FNDC5: variants seen among roughly 807,000 people sequenced by gnomAD.
The protein encoded by FNDC5 is fibronectin type III domain containing 5.
FNDC5 carries 10 observed loss-of-function variants against 24.6 expected under a neutral mutation model. The observed-to-expected ratio is 0.41, with a 90% confidence interval of 0.25 to 0.69. The LOEUF (loss-of-function observed/expected upper bound fraction) is 0.69, where lower values mean the gene tolerates loss of function less well. FNDC5 is among the 30% of genes least tolerant of loss of function. FNDC5 has a pLI of 0.34. For missense variants in FNDC5, 226 were observed against 282.9 expected (o/e 0.80, Z 1.44); for synonymous variants, 90 against 110.7 (o/e 0.81, Z 1.18).
upstream of FNDC5, among the ~76,000 whole-genome samples, chr1:32,871,345 T>G (rs1641181549): frequency 6.6e-6 from 1 of 151,582 alleles, no homozygotes; most frequent in Non-Finnish European, 1.5e-5. Flanking sequence ...AGGGGAGAGA[T>G]CACAGTAAGG....
At chr1:32,866,410 C>G (rs1352916187) in intron 4 of FNDC5, among the ~76,000 whole-genome samples, 9 of 152,196 alleles carry the variant, frequency 5.9e-5, no homozygotes, top group African/African-American at 2.2e-4. Flanking sequence ...AGACTCCAGT[C>G]TGCAGCCTCA....
intron 1 of FNDC5, among the ~76,000 whole-genome samples, chr1:32,869,579 T>C (rs918739993): frequency 2.6e-5 from 4 of 152,140 alleles, no homozygotes; most frequent in Non-Finnish European, 5.9e-5. Context: ...GAGCCTCTTA[T>C]CCATGCTCTT....
chr1:32,870,711 G>T lies in FNDC5; in HGVS notation c.36C>A (p.Arg12=). 1 of 1,190,690 alleles carries T rather than the reference G, an allele frequency of 8.4e-7. No homozygotes were observed. The highest frequency in any genetic ancestry group is 4.2e-5 in the South Asian group (1 of 23,934). The allele number at this position is 1,190,690 out of a possible 1,614,324, so 73.8% of individuals were successfully genotyped here. A position where few individuals can be genotyped will look rare whatever the true frequency, so the allele number is the denominator to read the frequency against. The change falls in exon 1 of 6, where the codon CGC becomes CGA. Residue 12 remains arginine, a synonymous_variant. Coordinates refer to ENST00000373471, the MANE Select transcript of FNDC5 (RefSeq NM_153756.3). ...GCCACAGGCGGAGCGCGGCGCGGGC[G>T]CGGGGCGGCCAGGCGCTCGGCGACC...
chr1:32,870,681 G>A lies in FNDC5; in HGVS notation c.66C>T (p.Gly22=). Residue 22 remains glycine, a synonymous_variant, in exon 1 of 6, where the codon GGC becomes GGT. Transcript: ENST00000373471. ...CCTGCACCAGCGCGAAGCAGACGCA[G>A]CCCAGCCACAGGCGGAGCGCGGCGC... The A allele has an allele frequency of 8.3e-7, 1 of 1,206,550 alleles. No individual in the cohort carries two copies. Among genetic ancestry groups the A allele is most frequent in the Non-Finnish European group, 1.0e-6 (1 of 971,648 alleles). 74.7% of individuals were successfully genotyped at this position (1,206,550 alleles called of 1,614,324 possible).
chr1:32,867,755 G>A lies in FNDC5; in HGVS notation c.497C>T (p.Ala166Val), dbSNP rs773770710. 5 of 1,613,524 alleles carry A rather than the reference G, an allele frequency of 3.1e-6. No homozygotes were observed. Among genetic ancestry groups the A allele is most frequent in the Admixed American group, 3.3e-5 (2 of 59,990 alleles). The stretch of plus-strand genomic sequence containing the variant: ...AAGGTCTCGGAGGCCAGACTCACCT[G>A]CCCACATGAACAGGACCACGACGAT... The change falls in exon 4 of 6, where the codon GCA becomes GTA. Residue 166 changes from alanine (A) to valine (V), a missense_variant and splice_region_variant. By Grantham distance (64) the Ala-to-Val change is moderately conservative. Coordinates refer to ENST00000373471, the MANE Select transcript of FNDC5 (RefSeq NM_153756.3).
intron 1 of FNDC5, 53 bp from the exon 2 acceptor site, chr1:32,869,050 A>G: frequency 9.6e-7 from 1 of 1,036,744 alleles, no homozygotes; most frequent in Non-Finnish European, 1.2e-6. Context: ...TGAGGCCCAG[A>G]CCCACTGTCT....
intron 4 of FNDC5, among the ~76,000 whole-genome samples, chr1:32,866,717 A>AAG (rs1641077758): frequency 6.6e-6 from 1 of 152,168 alleles, no homozygotes; most frequent in African/African-American, 2.4e-5. Flanking sequence ...GAAAAAGAAA[A>AAG]AAGAAGAGTA....
At chr1:32,865,841 T>C (rs1295372840) in intron 4 of FNDC5, among the ~76,000 whole-genome samples, 1 of 152,190 alleles carries the variant, frequency 6.6e-6, no homozygotes, top group Non-Finnish European at 1.5e-5. Flanking sequence ...AGGACACTGA[T>C]GCAGAGAGAG....
Position 32,868,378 on chromosome 1 carries a change from A to T in FNDC5, c.221T>A (p.Val74Glu), listed in dbSNP as rs777659320. 1 of 1,613,864 alleles carries T rather than the reference A, an allele frequency of 6.2e-7. No individual in the cohort carries two copies. The highest frequency in any genetic ancestry group is 1.1e-5 in the South Asian group (1 of 91,080). ...CTCCTGGATGAAGCGCAGCATCCGC[A>T]CATCCTTCTTCTGCAGACAAGCGCC... The change falls in exon 3 of 6, where the codon GTG becomes GAG. Residue 74 changes from valine (V) to glutamate (E), a missense_variant. By Grantham distance (121) the Val-to-Glu change is moderately radical. Coordinates refer to ENST00000373471, the MANE Select transcript of FNDC5 (RefSeq NM_153756.3). The surrounding 1 kb of genome is among the most constrained non-coding windows in gnomAD (Gnocchi z 4.8).
chr1:32,863,720 CT>C lies in FNDC5; in HGVS notation c.*573del. Reference sequence around the variant, plus strand: ...AGCTGAGAAGAAAAATGGAATCCTTCTCCCTGCAGACAGGCAGTCACGCTTC... The same window carrying C: ...AGCTGAGAAGAAAAATGGAATCCTTCCCCTGCAGACAGGCAGTCACGCTTC... On this transcript the variant is annotated 3_prime_UTR_variant, in exon 6 of 6. Coordinates refer to ENST00000373471, the MANE Select transcript of FNDC5 (RefSeq NM_153756.3). 1 of 1,304,490 alleles carries C rather than the reference CT, an allele frequency of 7.7e-7. No individual in the cohort carries two copies. The highest frequency in any genetic ancestry group is 1.2e-5 in the South Asian group (1 of 81,030). 80.8% of individuals were successfully genotyped at this position (1,304,490 alleles called of 1,614,324 possible). A position where few individuals can be genotyped will look rare whatever the true frequency, so the allele number is the denominator to read the frequency against.
Position 32,864,159 on chromosome 1 carries a change from G to T in FNDC5, c.*135C>A. 2 of 1,590,332 alleles carry T rather than the reference G, an allele frequency of 1.3e-6. No individual in the cohort carries two copies. Among genetic ancestry groups the T allele is most frequent in the Non-Finnish European group, 1.7e-6 (2 of 1,167,866 alleles). ...CAGAGAGAGGACAGTAAGCCAGAGG[G>T]TACAAGGAGATGGAGGGAAGAGATG... On this transcript the variant is annotated 3_prime_UTR_variant, in exon 6 of 6. Transcript: ENST00000373471.
Position 32,868,067 on chromosome 1 carries a change from A to T in FNDC5, c.409+123T>A. ...GACTAGCGTGAACCCTCTCTCAGGT[A>T]CTGCTTTACTTGCCAGCAGGGGATA... is the stretch of plus-strand genomic sequence containing the variant. On this transcript the variant is annotated intron_variant, in intron 3 of 5. Transcript: ENST00000373471. This position sits in a 1 kb window ranked among gnomAD's most constrained non-coding sequence, Gnocchi z 4.8. The T allele has an allele frequency of 8.3e-7, 1 of 1,204,704 alleles. No homozygotes were observed. Among genetic ancestry groups the T allele is most frequent in the Non-Finnish European group, 1.2e-6 (1 of 838,784 alleles). 74.6% of individuals were successfully genotyped at this position (1,204,704 alleles called of 1,614,324 possible).
intron 4 of FNDC5, among the ~76,000 whole-genome samples, chr1:32,865,036 C>T (rs1641044071): frequency 6.6e-6 from 1 of 152,112 alleles, no homozygotes. Context: ...CTCTCCTTTC[C>T]TTTAAACCTC....
chr1:32,870,597 G>T, intron 1 of FNDC5, 56 bp downstream of exon 1: 1 of 1,082,570 alleles, frequency 9.2e-7, no homozygotes, highest in Non-Finnish European at 1.2e-6. Flanking sequence ...CTCCCAGGTA[G>T]CTGGGCTCGA....
intron 3 of FNDC5, 101 bp from the exon 4 acceptor site, chr1:32,867,943 C>G: frequency 8.3e-7 from 1 of 1,202,146 alleles, no homozygotes; most frequent in Non-Finnish European, 1.2e-6. Flanking sequence ...CAGGTGCCCA[C>G]ACATCTAACA....
At position 32,864,685 on chromosome 1, in the gene FNDC5, G is replaced by C; in HGVS notation, c.612C>G (p.Gly204=). ...TCACCTTGCTGCGGAGAAGCCCCCC[G>C]CCCTGGTGCTCTGGTGTGCTGGTTT... Residue 204 remains glycine (G), a synonymous_variant, in exon 5 of 6, where the codon GGC becomes GGG. Transcript: ENST00000373471. 6.2e-7 allele frequency: 1 copy of C among 1,614,084 alleles called. No homozygotes were observed. Among genetic ancestry groups the C allele is most frequent in the East Asian group, 2.2e-5 (1 of 44,884 alleles).
intron 4 of FNDC5, among the ~76,000 whole-genome samples, chr1:32,865,781 C>T (rs867729964): frequency 1.3e-5 from 2 of 152,270 alleles, no homozygotes; most frequent in African/African-American, 4.8e-5. Context: ...TCACTTAATC[C>T]TCACAACTCT....
chr1:32,867,270 C>T (rs1379563038), intron 4 of FNDC5, among the ~76,000 whole-genome samples: 1 of 151,986 alleles, frequency 6.6e-6, no homozygotes, highest in Non-Finnish European at 1.5e-5. Context: ...GAGGGCCATT[C>T]TAATGGATGG....
chr1:32,866,891 T>C lies in FNDC5; in HGVS notation c.499+862A>G, dbSNP rs561893298. ...ACAAAGATGAATGAAACTTGGCCTT[T>C]ACCAGCCTGGACAACATAGCAAGAC... On this transcript the variant is annotated intron_variant, in intron 4 of 5. Transcript: ENST00000373471. Among the ~76,000 whole-genome samples, 21 of 152,106 alleles carry C rather than the reference T, an allele frequency of 1.4e-4. No homozygotes were observed. In the South Asian group the frequency reaches 2.9e-3, roughly 21 times the overall value.
Sources: allele counts gnomAD v4.1 joint callset (sites outside exome capture counted in the v4.1 genomes callset), GRCh38; gene constraint gnomAD v4.1.1; non-coding constraint Gnocchi (gnomAD v3.1); transcripts MANE v1.5; gene names NCBI Gene and HGNC (gene_info 2026-07-23, HGNC 2026-07-21).